ABCA7: variants seen among roughly 807,000 people sequenced by gnomAD.
The protein encoded by ABCA7 is ATP binding cassette subfamily A member 7.
Under a neutral mutation model 227.6 loss-of-function variants are expected in ABCA7, and 261 were observed. The ratio of observed to expected loss-of-function variants is 1.15; its 90% confidence interval spans 1.04 to 1.27. ABCA7 has a LOEUF of 1.27. ABCA7 is among the 50% of genes most tolerant of loss of function. The pLI, the probability that ABCA7 is intolerant of heterozygous loss-of-function variation, is 0.00. For synonymous variants in ABCA7, 1,488 were observed against 1,279.7 expected, an observed-to-expected ratio of 1.16 and a Z score of -3.47; for missense variants, 3,331 against 2,924.5, an observed-to-expected ratio of 1.14 and a Z score of -3.21.
intron 40 of ABCA7, 163 bp downstream of exon 40, chr19:1,059,248 A>ATTATATAT (rs2042494060): frequency 5.6e-6 from 1 of 178,352 alleles, no homozygotes; most frequent in Non-Finnish European, 1.1e-5. Context: ...TTATTATATT[A>ATTATATAT]TTATTTATTT....
chr19:1,047,005 T>G lies in ABCA7; in HGVS notation c.1826T>G (p.Leu609Arg), dbSNP rs754262037. ...CLGPFLLSAA[L>R]LVLVLKLGDI... The stretch of plus-strand genomic sequence containing the variant: ...GGGCCCTTCCTGCTCAGCGCCGCAC[T>G]GCTGGTTCTGGTGCTCAAGGTGGGC... The change falls in exon 14 of 47, where the codon CTG becomes CGG. Residue 609 changes from leucine (L) to arginine (R), a missense_variant. By Grantham distance (102) the Leu-to-Arg change is moderately radical (BLOSUM62 -2). Transcript: ENST00000263094. 32 of 1,570,030 alleles carry G rather than the reference T, an allele frequency of 2.0e-5. No homozygotes were observed. In the Middle Eastern group the frequency reaches 5.0e-4, roughly 25 times the overall value.
Position 1,052,278 on chromosome 19 carries a change from G to T in ABCA7, c.3212G>T (p.Ser1071Ile). Reference sequence around the variant, plus strand: ...GAAAAGAAGAATGGCAGCCAGGGCAGCAGAGTCGGTGAGGGCCGGGGTGGG... The same window carrying T: ...GAAAAGAAGAATGGCAGCCAGGGCATCAGAGTCGGTGAGGGCCGGGGTGGG... Reference protein sequence around the residue: ...RQEKKNGSQGSRVGTPQLLAL... With the variant: ...RQEKKNGSQGIRVGTPQLLAL... The change falls in exon 23 of 47, where the codon AGC (serine) becomes ATC (isoleucine). Residue 1071 changes from serine to isoleucine, a missense_variant. Coordinates refer to ENST00000263094, the MANE Select transcript of ABCA7 (RefSeq NM_019112.4). The T allele has an allele frequency of 6.5e-7, 1 of 1,540,500 alleles. No homozygotes were observed. The highest frequency in any genetic ancestry group is 1.2e-5 in the South Asian group (1 of 83,468).
intron 40 of ABCA7, among the ~76,000 whole-genome samples, chr19:1,060,207 A>ATATATATATTT: frequency 9.3e-5 from 9 of 96,770 alleles, no homozygotes; most frequent in African/African-American, 3.1e-4. Flanking sequence ...ATATATATAT[A>ATATATATATTT]TTTTTTTTTC....
intron 16 of ABCA7, among the ~76,000 whole-genome samples, chr19:1,048,295 C>A (rs2040927587): frequency 6.9e-6 from 1 of 145,800 alleles, no homozygotes; most frequent in Non-Finnish European, 1.5e-5. Flanking sequence ...GTCGGGATTT[C>A]GAGACCAGCC....
rs2042347789 is a variant in ABCA7, at chr19:1,057,396, T to C, written c.4847T>C (p.Leu1616Pro). Residue 1616 changes from leucine to proline, a missense_variant, in exon 35 of 47, where the codon CTG (leucine) becomes CCG (proline). By Grantham distance (98) the Leu-to-Pro change is moderately conservative. Coordinates refer to ENST00000263094, the MANE Select transcript of ABCA7 (RefSeq NM_019112.4). Reference protein sequence around the residue: ...QQRAYVAPANLPALLLLLLLY... With the variant: ...QQRAYVAPANPPALLLLLLLY... ...AGGGCATATGTGGCCCCTGCCAACCTGCCTGCTCTCCTGCTGTTGCTACTA... is the reference window on the plus strand; with the variant it reads ...AGGGCATATGTGGCCCCTGCCAACCCGCCTGCTCTCCTGCTGTTGCTACTA... 2 of 1,613,832 alleles carry C rather than the reference T, an allele frequency of 1.2e-6. No individual in the cohort carries two copies. Among genetic ancestry groups the C allele is most frequent in the Non-Finnish European group, 8.5e-7 (1 of 1,180,036 alleles).
In ABCA7 at chr19:1,051,160, C is replaced by G. The variant is rs2144814059; in HGVS notation, c.2690C>G (p.Thr897Ser). ...GCTCTGTGCACTGGCCGCAGGCTGA[C>G]CGTGGACGAGCACGTCTGGTTCTAT... The part of the protein sequence containing the change: ...PQYNVLFDML[T>S]VDEHVWFYGR... The change falls in exon 20 of 47, where the codon ACC becomes AGC. Residue 897 changes from threonine to serine, a missense_variant. Coordinates refer to ENST00000263094, the MANE Select transcript of ABCA7 (RefSeq NM_019112.4). 6.2e-7 allele frequency: 1 copy of G among 1,611,290 alleles called. No homozygotes were observed.
chr19:1,057,454 C>G (rs777703340), intron 35 of ABCA7, 25 bp downstream of exon 35: 2 of 1,590,120 alleles, frequency 1.3e-6, no homozygotes, highest in East Asian at 4.5e-5. Flanking sequence ...CCCTCAGGGC[C>G]TATTCTTACT....
intron 12 of ABCA7, 92 bp from the exon 13 acceptor site, chr19:1,046,138 G>T: frequency 1.4e-6 from 2 of 1,437,432 alleles, no homozygotes; most frequent in Non-Finnish European, 1.9e-6. Context: ...GGGCGACAGA[G>T]CAAGACCCTG....
intron 10 of ABCA7, among the ~76,000 whole-genome samples, chr19:1,044,090 C>T (rs1479597912): frequency 2.7e-5 from 4 of 150,904 alleles, no homozygotes; most frequent in Non-Finnish European, 5.9e-5. Context: ...GCGCCCACCA[C>T]CACGCCCGGA....
rs2042854411 is a variant in ABCA7, at chr19:1,063,859, C to T, written c.5947C>T (p.His1983Tyr). The stretch of plus-strand genomic sequence containing the variant: ...GGGCCGTTCAGTGATGCTCACCTCC[C>T]ATAGGTGGGCCGGGCTCTGATGCCC... Reference protein sequence around the residue: ...REGRSVMLTSHSMEECEALCS... With the variant: ...REGRSVMLTSYSMEECEALCS... Residue 1983 changes from histidine to tyrosine, a missense_variant, in exon 44 of 47, where the codon CAT becomes TAT. Coordinates refer to ENST00000263094, the MANE Select transcript of ABCA7 (RefSeq NM_019112.4). 2 of 1,531,906 alleles carry T rather than the reference C, an allele frequency of 1.3e-6. No homozygotes were observed. The highest frequency in any genetic ancestry group is 1.4e-5 in the African/African-American group (1 of 72,858). The allele number at this position is 1,531,906 out of a possible 1,614,324, so 94.9% of individuals were successfully genotyped here. A position where few individuals can be genotyped will look rare whatever the true frequency, so the allele number is the denominator to read the frequency against.
chr19:1,053,825 CAG>C lies in ABCA7; in HGVS notation c.3463_3464del (p.Asp1155TyrfsTer45), dbSNP rs778460429. 2 of 1,612,134 alleles carry C rather than the reference CAG, an allele frequency of 1.2e-6. No individual in the cohort carries two copies. On this transcript the variant is annotated frameshift_variant, in exon 25 of 47. Transcript: ENST00000263094. LOFTEE classifies it high-confidence loss of function. ...GTGGTGGAGGAGTGTGCTGCGGACA[CAG>C]ATATGGAGGGTGCGGCCACAGCTCC...
chr19:1,047,502 T>C lies in ABCA7; in HGVS notation c.2117T>C (p.Leu706Pro), dbSNP rs2040824301. The change falls in exon 16 of 47, where the codon CTG becomes CCG. Residue 706 changes from leucine to proline, a missense_variant. Transcript: ENST00000263094. ...GGCTTCGGCTGCGAGAGCCTGGCTC[T>C]GCTGGAGGAGCAGGGCGAGGGCGCG... is the stretch of plus-strand genomic sequence containing the variant. ...AFGFGCESLA[L>P]LEEQGEGAQW... The C allele has an allele frequency of 2.5e-6, 4 of 1,581,896 alleles. No individual in the cohort carries two copies. In the African/African-American group the frequency reaches 5.4e-5, roughly 21 times the overall value.
chr19:1,046,976 C>T lies in ABCA7; in HGVS notation c.1797C>T (p.Cys599=), dbSNP rs776503921. 15 of 1,583,350 alleles carry T rather than the reference C, an allele frequency of 9.5e-6. No individual in the cohort carries two copies. Among genetic ancestry groups the T allele is most frequent in the Non-Finnish European group, 1.1e-5 (13 of 1,168,478 alleles). The change falls in exon 14 of 47, where the codon TGC becomes TGT. Residue 599 remains cysteine (C), a synonymous_variant. Coordinates refer to ENST00000263094, the MANE Select transcript of ABCA7 (RefSeq NM_019112.4). ...TCTGGCTAGGCTGGTTCCTCAGCTGCCTCGGGCCCTTCCTGCTCAGCGCCG... is the reference window on the plus strand; with the variant it reads ...TCTGGCTAGGCTGGTTCCTCAGCTGTCTCGGGCCCTTCCTGCTCAGCGCCG... ...AVLWLGWFLS[C]LGPFLLSAAL... is the part of the protein sequence containing the mutation.
At position 1,043,773 on chromosome 19, in the gene ABCA7, G is replaced by T. The variant is rs1317904145; in HGVS notation, c.979G>T (p.Val327Leu). ...ELTLLRDVRE[V>L]WEMLGPRIFT... ...CACCCTGCTGAGGGATGTCCGGGAG[G>T]TGTGGGAGATGCTGGGACCCCGGAT... Residue 327 changes from valine (V) to leucine (L), a missense_variant, in exon 10 of 47, where the codon GTG (valine) becomes TTG (leucine). Transcript: ENST00000263094. The T allele has an allele frequency of 8.1e-6, 13 of 1,612,530 alleles. No homozygotes were observed. Among genetic ancestry groups the T allele is most frequent in the African/African-American group, 4.0e-5 (3 of 74,606 alleles).
At chr19:1,059,953 A>G (rs1420445907) in intron 40 of ABCA7, among the ~76,000 whole-genome samples, 1 of 152,242 alleles carries the variant, frequency 6.6e-6, no homozygotes, top group Non-Finnish European at 1.5e-5. Flanking sequence ...AAAGAGGTGT[A>G]CTGAATACTT....
intron 34 of ABCA7, 36 bp from the exon 35 acceptor site, chr19:1,057,278 T>G: frequency 6.2e-7 from 1 of 1,610,216 alleles, no homozygotes; most frequent in Non-Finnish European, 8.5e-7. Context: ...GCCCACCTCT[T>G]TAGGCTGATA....
In ABCA7 at chr19:1,041,320, G is replaced by A. The variant is rs1439530915; in HGVS notation, c.-42G>A. 3 of 1,607,410 alleles carry A rather than the reference G, an allele frequency of 1.9e-6. No individual in the cohort carries two copies. The highest frequency in any genetic ancestry group is 2.2e-5 in the East Asian group (1 of 44,794). On this transcript the variant is annotated 5_prime_UTR_variant, in exon 2 of 47. Transcript: ENST00000263094. Reference sequence around the variant, plus strand: ...CGCACCGCACGTCTTCAGCCCGACCGTTGTCCTGACCTCTCTGTCCCGTCC... The same window carrying A: ...CGCACCGCACGTCTTCAGCCCGACCATTGTCCTGACCTCTCTGTCCCGTCC...
intron 16 of ABCA7, 138 bp from the exon 17 acceptor site, chr19:1,048,757 C>G (rs1348772778): frequency 4.4e-6 from 2 of 450,388 alleles, no homozygotes; most frequent in Non-Finnish European, 7.8e-6. Context: ...TGCAGCGAGT[C>G]AAAATCGTGC....
chr19:1,048,510 C>A (rs8100512), intron 16 of ABCA7, among the ~76,000 whole-genome samples: 38,849 of 51,750 alleles, frequency 0.75, 13,694 homozygotes, highest in South Asian at 0.87. Context: ...AAAAAAAAAA[C>A]AAAAAAAAAA....
Sources: allele counts gnomAD v4.1 joint callset (sites outside exome capture counted in the v4.1 genomes callset), GRCh38; gene constraint gnomAD v4.1.1; transcripts MANE v1.5; gene names NCBI Gene and HGNC (gene_info 2026-07-23, HGNC 2026-07-21).